The following SLC71A1 variants were observed in gnomAD, a reference collection of about 807,000 sequenced individuals.
SLC71A1 encodes the protein solute carrier family 71 member 1, also known as hippocampus abundant gene transcript 1.
chr1:100,067,324 A>C, the SLC71A1 span, among the ~76,000 whole-genome samples: 1 of 151,928 alleles, frequency 6.6e-6, no homozygotes, highest in African/African-American at 2.4e-5. Context: ...GCTCACTGCA[A>C]CCTCCGCCTT....
At chr1:100,080,415 G>T in the SLC71A1 span, 1 of 1,097,206 alleles carries the variant, frequency 9.1e-7, no homozygotes, top group South Asian at 1.5e-5. Context: ...TAGATTAAGT[G>T]ATTTCATATT....
chr1:100,076,740 A>G, the SLC71A1 span, among the ~76,000 whole-genome samples: 1 of 152,250 alleles, frequency 6.6e-6, no homozygotes. Context: ...AGATTAACTT[A>G]GGTAAATAAT....
the SLC71A1 span, chr1:100,068,597 C>G: frequency 1.4e-6 from 2 of 1,436,364 alleles, no homozygotes; most frequent in Non-Finnish European, 2.0e-6. Flanking sequence ...GTAAAATCCT[C>G]TTCCACTAAG....
chr1:100,076,094 C>T, the SLC71A1 span, among the ~76,000 whole-genome samples: 1 of 152,178 alleles, frequency 6.6e-6, no homozygotes, highest in Non-Finnish European at 1.5e-5. Flanking sequence ...CTTATACTCA[C>T]GTGATTTAAG....
At chr1:100,080,445 G>T in the SLC71A1 span, 9 of 1,510,512 alleles carry the variant, frequency 6.0e-6, no homozygotes, top group African/African-American at 1.2e-4. Context: ...TCTAAGGTAG[G>T]GAAAAAAAAC....
At chr1:100,038,372 T>A in the SLC71A1 span, 4 of 1,392,122 alleles carry the variant, frequency 2.9e-6, no homozygotes, top group Non-Finnish European at 4.0e-6. Flanking sequence ...CGGTCTCTCC[T>A]TCAGACCCCC....
the SLC71A1 span, among the ~76,000 whole-genome samples, chr1:100,049,321 GTTTTT>G: frequency 4.1e-4 from 53 of 129,534 alleles, no homozygotes; most frequent in Admixed American, 4.0e-3. Context: ...TTCATTTATG[GTTTTT>G]TTTTTTTTTT....
At chr1:100,080,700 G>A in the SLC71A1 span, 1 of 1,564,622 alleles carries the variant, frequency 6.4e-7, no homozygotes, top group Non-Finnish European at 8.7e-7. Context: ...TGGTTCATTT[G>A]GCTAGATTAA....
chr1:100,038,452 G>T, the SLC71A1 span: 3 of 742,562 alleles, frequency 4.0e-6, no homozygotes, highest in Admixed American at 4.7e-5. Flanking sequence ...CCGGTGCCTC[G>T]GGGTCGCGGA....
the SLC71A1 span, among the ~76,000 whole-genome samples, chr1:100,054,369 T>C: frequency 6.6e-6 from 1 of 152,092 alleles, no homozygotes; most frequent in African/African-American, 2.4e-5. Context: ...CCTGCCACCA[T>C]GCCTGGCTAA....
At chr1:100,038,469 T>G in the SLC71A1 span, among the ~76,000 whole-genome samples, 1 of 152,034 alleles carries the variant, frequency 6.6e-6, no homozygotes, top group East Asian at 1.9e-4. Flanking sequence ...CGGACCCGCA[T>G]GCCGCCGCTC....
chr1:100,064,103 A>ATGTATGTGTGTGTG, the SLC71A1 span, among the ~76,000 whole-genome samples: 2 of 152,252 alleles, frequency 1.3e-5, no homozygotes, highest in African/African-American at 4.8e-5. Flanking sequence ...ATATATTTAT[A>ATGTATGTGTGTGTG]TGTATGTGTG....
chr1:100,081,441 G>C, the SLC71A1 span, among the ~76,000 whole-genome samples: 1 of 152,046 alleles, frequency 6.6e-6, no homozygotes, highest in Non-Finnish European at 1.5e-5. Flanking sequence ...GCACAATCTT[G>C]GCTCTCTGCA....
chr1:100,072,018 A>C, the SLC71A1 span, among the ~76,000 whole-genome samples: 1 of 152,258 alleles, frequency 6.6e-6, no homozygotes, highest in African/African-American at 2.4e-5. Flanking sequence ...CACACAGTCC[A>C]TGAGGAACAA....
the SLC71A1 span, chr1:100,078,577 T>C: frequency 4.1e-6 from 6 of 1,446,512 alleles, no homozygotes; most frequent in African/African-American, 1.4e-5. Context: ...GCGATAATTA[T>C]TTAAAAGTAC....
At chr1:100,064,275 A>C in the SLC71A1 span, among the ~76,000 whole-genome samples, 5 of 151,560 alleles carry the variant, frequency 3.3e-5, no homozygotes, top group Admixed American at 1.3e-4. Flanking sequence ...CCCAGTAGCT[A>C]TGCCCACCAC....
At chr1:100,053,909 A>G in the SLC71A1 span, among the ~76,000 whole-genome samples, 2 of 152,200 alleles carry the variant, frequency 1.3e-5, no homozygotes, top group Non-Finnish European at 2.9e-5. Flanking sequence ...GGTTGGTCAT[A>G]GTAGATAGTT....
the SLC71A1 span, among the ~76,000 whole-genome samples, chr1:100,059,013 A>C: frequency 6.6e-6 from 1 of 151,922 alleles, no homozygotes; most frequent in East Asian, 1.9e-4. Context: ...AATTCCAGAG[A>C]TCTCAATGAT....
the SLC71A1 span, among the ~76,000 whole-genome samples, chr1:100,052,159 T>C: frequency 6.6e-5 from 10 of 152,318 alleles, no homozygotes; most frequent in East Asian, 5.8e-4. Context: ...GATCAAAATG[T>C]GGATGAGCTG....
Sources: allele counts gnomAD v4.1 joint callset (sites outside exome capture counted in the v4.1 genomes callset), GRCh38; gene constraint gnomAD v4.1.1; transcripts MANE v1.5; gene names NCBI Gene and HGNC (gene_info 2026-07-23, HGNC 2026-07-21).